The following CEP170B variants were observed in gnomAD, a reference collection of about 807,000 sequenced individuals.
CEP170B encodes the protein centrosomal protein of 170 kDa protein B.
In CEP170B, 55 loss-of-function variants were observed where a neutral mutation model predicts 120.6. The ratio of observed to expected loss-of-function variants is 0.46; its 90% CI spans 0.37 to 0.57. CEP170B has a LOEUF of 0.57. Among genes scored for constraint, CEP170B ranks in the 20% least tolerant of loss-of-function variants. CEP170B has a pLI of 0.00. For synonymous variants in CEP170B, 1,033 were observed against 954.5 expected, an observed-to-expected ratio of 1.08 and a Z score of -1.52; for missense variants, 2,212 against 2,253.3, an observed-to-expected ratio of 0.98 and a Z score of 0.37.
intron 10 of CEP170B, 114 bp from the exon 11 acceptor site, chr14:104,885,926 G>T: frequency 1.1e-6 from 1 of 923,458 alleles, no homozygotes; most frequent in Non-Finnish European, 1.6e-6. Context: ...CCTGGGTGGC[G>T]CGCATGCGTG....
chr14:104,882,671 G>A (rs1896218472), intron 6 of CEP170B, 57 bp from the exon 7 acceptor site: 6 of 1,435,974 alleles, frequency 4.2e-6, no homozygotes, highest in Non-Finnish European at 5.7e-6. Flanking sequence ...CCAGTTCTCT[G>A]CTTTTCACAC....
chr14:104,883,438 C>T lies in CEP170B; in HGVS notation c.981C>T (p.His327=). Residue 327 remains histidine, a synonymous_variant, in exon 8 of 19, where the codon CAC becomes CAT. Coordinates refer to ENST00000414716, the MANE Select transcript of CEP170B (RefSeq NM_001112726.3). ...TGCAGAATGACCCGAGCCTGCTGCA[C>T]CGGGTTGGCCCTGGGGATGACCGCC... ...WLVQNDPSLL[H]RVGPGDDRHS... is the part of the protein sequence containing the mutation. The T allele has an allele frequency of 6.4e-7, 1 of 1,564,832 alleles. No individual in the cohort carries two copies. The highest frequency in any genetic ancestry group is 8.7e-7 in the Non-Finnish European group (1 of 1,155,842).
rs1895620978 is a variant in CEP170B, at chr14:104,872,482, T to TGTGTACGTGTGG, written c.106-3770_106-3769insACGTGTGGGTGT. 1.9e-5 allele frequency among the ~76,000 whole-genome samples: 2 copies of TGTGTACGTGTGG among 106,018 alleles called. 1 individual carries two copies. The highest frequency in any genetic ancestry group is 4.7e-5 in the Non-Finnish European group (2 of 42,930). 69.6% of individuals were successfully genotyped at this position (106,018 alleles called of 152,430 possible). ...CGTGTGGGTGTGCCGTGTGTGTGCG[T>TGTGTACGTGTGG]GTGTGCCGTGTGTGTGTGCGTGTGT... On this transcript the variant is annotated intron_variant, in intron 2 of 18. Transcript: ENST00000414716.
At chr14:104,874,957 C>A (rs544245303) in intron 2 of CEP170B, among the ~76,000 whole-genome samples, 1 of 152,346 alleles carries the variant, frequency 6.6e-6, no homozygotes, top group East Asian at 1.9e-4. Flanking sequence ...CCCTTGCCCC[C>A]AACTAGCCCC....
At chr14:104,880,475 C>A in intron 6 of CEP170B, 50 bp downstream of exon 6, 3 of 1,588,836 alleles carry the variant, frequency 1.9e-6, no homozygotes, top group Non-Finnish European at 2.6e-6. Context: ...CACTGCCAGG[C>A]CCTCTGCCCC....
At chr14:104,882,130 G>A (rs1477174249) in intron 6 of CEP170B, among the ~76,000 whole-genome samples, 3 of 152,056 alleles carry the variant, frequency 2.0e-5, no homozygotes, top group South Asian at 2.1e-4. Flanking sequence ...CTGGGCTGCC[G>A]GCTTCTCAGA....
chr14:104,889,905 A>AATGGATGGATGGATGG (rs1160408059), intron 13 of CEP170B, 147 bp downstream of exon 13: 17 of 137,164 alleles, frequency 1.2e-4, no homozygotes, highest in Admixed American at 2.8e-4. Context: ...TGGATGGACA[A>AATGGATGGATGGATGG]ATGGATGGAT....
rs1382831912 is a variant in CEP170B at position 104,886,350 on chromosome 14, T to G, written c.2111T>G (p.Leu704Arg). The G allele has an allele frequency of 3.8e-6, 6 of 1,571,670 alleles. No homozygotes were observed. Among genetic ancestry groups the G allele is most frequent in the Non-Finnish European group, 5.2e-6 (6 of 1,161,420 alleles). The change falls in exon 12 of 19, where the codon CTG becomes CGG. Residue 704 changes from leucine to arginine, a missense_variant. Physicochemically the swap from Leu to Arg is moderately radical, Grantham distance 102. Coordinates refer to ENST00000414716, the MANE Select transcript of CEP170B (RefSeq NM_001112726.3). ...PVRMRRRLPQ[L>R]PSERADSPAG... Reference sequence around the variant, plus strand: ...CGCATGCGGCGACGGCTCCCTCAGCTGCCCAGTGAGAGGGCTGACAGCCCT... The same window carrying G: ...CGCATGCGGCGACGGCTCCCTCAGCGGCCCAGTGAGAGGGCTGACAGCCCT...
rs1035895345 is a variant in CEP170B, at chr14:104,895,849, G to C, written c.*891G>C. Reference sequence around the variant, plus strand: ...CACGACCAAAGTCACTGGAAGCCGGGTTTCCGGAAGCTCGCAGCTTGGCCT... The same window carrying C: ...CACGACCAAAGTCACTGGAAGCCGGCTTTCCGGAAGCTCGCAGCTTGGCCT... On this transcript the variant is annotated 3_prime_UTR_variant, in exon 19 of 19. Coordinates refer to ENST00000414716, the MANE Select transcript of CEP170B (RefSeq NM_001112726.3). The C allele has an allele frequency of 1.3e-5, 2 of 152,638 alleles. No individual in the cohort carries two copies. The highest frequency in any genetic ancestry group is 2.9e-5 in the Non-Finnish European group (2 of 68,248). 9.5% of individuals were successfully genotyped at this position (152,638 alleles called of 1,614,324 possible).
At position 104,868,374 on chromosome 14, in the gene CEP170B, G is replaced by A. The variant is rs528315851; in HGVS notation, c.-27-50G>A. 6 of 1,328,192 alleles carry A rather than the reference G, an allele frequency of 4.5e-6. No individual in the cohort carries two copies. The highest frequency in any genetic ancestry group is 2.0e-5 in the Admixed American group (1 of 49,594). 82.3% of individuals were successfully genotyped at this position (1,328,192 alleles called of 1,614,324 possible). A position where few individuals can be genotyped will look rare whatever the true frequency, so the allele number is the denominator to read the frequency against. ...GCTGGGCCTTGGATGTGTCCAGGGGGCTAAGAACCAGGCCAGGGAGCCCCA... is the reference window on the plus strand; with the variant it reads ...GCTGGGCCTTGGATGTGTCCAGGGGACTAAGAACCAGGCCAGGGAGCCCCA... On this transcript the variant is annotated intron_variant, in intron 1 of 18. Transcript: ENST00000414716. The surrounding 1 kb of genome is among the most constrained non-coding windows in gnomAD (Gnocchi z 5.9).
intron 3 of CEP170B, among the ~76,000 whole-genome samples, chr14:104,876,774 G>A (rs1895875445): frequency 6.6e-6 from 1 of 152,270 alleles, no homozygotes; most frequent in African/African-American, 2.4e-5. Context: ...TGGGGCCCCT[G>A]AAATGGAAGG....
intron 2 of CEP170B, among the ~76,000 whole-genome samples, chr14:104,872,292 G>T (rs1895556980): frequency 3.0e-5 from 4 of 132,044 alleles, no homozygotes; most frequent in Non-Finnish European, 6.4e-5. Flanking sequence ...TGTGCCGCGT[G>T]TGTGTGCCAT....
chr14:104,868,887 G>A lies in CEP170B; in HGVS notation c.105+332G>A, dbSNP rs1216998805. The stretch of plus-strand genomic sequence containing the variant: ...GTTGGCGTCCTTTTGCAGAGAGGGA[G>A]CTGAGGCTGGGCTTTGGAAGGTCCT... On this transcript the variant is annotated intron_variant, in intron 2 of 18. Transcript: ENST00000414716. The surrounding 1 kb of genome is among the most constrained non-coding windows in gnomAD (Gnocchi z 5.9). 6.6e-6 allele frequency among the ~76,000 whole-genome samples: 1 copy of A among 152,162 alleles called. No homozygotes were observed. Among genetic ancestry groups the A allele is most frequent in the Non-Finnish European group, 1.5e-5 (1 of 68,022 alleles).
At chr14:104,871,970 A>C (rs1011310236) in intron 2 of CEP170B, among the ~76,000 whole-genome samples, 1 of 152,240 alleles carries the variant, frequency 6.6e-6, no homozygotes, top group African/African-American at 2.4e-5. Flanking sequence ...TGCTCCCCAC[A>C]GTGTCCTTGT....
In CEP170B at chr14:104,887,279, C is replaced by T. The variant is rs1268155731; in HGVS notation, c.3040C>T (p.Pro1014Ser). 1.2e-6 allele frequency: 2 copies of T among 1,608,964 alleles called. No individual in the cohort carries two copies. The highest frequency in any genetic ancestry group is 1.7e-6 in the Non-Finnish European group (2 of 1,179,086). ...REQSSERQHH[P>S]LGPTDMGRGE... is the part of the protein sequence containing the mutation. ...GCAGTCCTCAGAGAGGCAGCATCAC[C>T]CACTTGGCCCGACGGACATGGGCCG... The change falls in exon 12 of 19, where the codon CCA becomes TCA. Residue 1014 changes from proline to serine, a missense_variant. By Grantham distance (74) the Pro-to-Ser change is moderately conservative. This residue lies in a region of CEP170B where 2,166 missense variants were observed against 2,166.7 expected (regional missense o/e 1.00). Transcript: ENST00000414716.
chr14:104,887,018 C>T lies in CEP170B; in HGVS notation c.2779C>T (p.Arg927Ter), dbSNP rs924324366. The T allele has an allele frequency of 1.2e-6, 2 of 1,610,588 alleles. No homozygotes were observed. The highest frequency in any genetic ancestry group is 1.1e-5 in the South Asian group (1 of 91,092). ...TETALAALEA[R>*]LLSNSVDAEC... Reference sequence around the variant, plus strand: ...GACGGCCCTGGCGGCCCTGGAGGCCCGACTCCTCTCTAATTCTGTGGATGC... The same window carrying T: ...GACGGCCCTGGCGGCCCTGGAGGCCTGACTCCTCTCTAATTCTGTGGATGC... The change falls in exon 12 of 19, where the codon CGA becomes TGA. Residue 927 changes from arginine to a stop codon, truncating the protein, a stop_gained. Transcript: ENST00000414716. LOFTEE classifies it high-confidence loss of function.
rs1896601320 is a variant in CEP170B, at chr14:104,887,730, T to C, written c.3491T>C (p.Leu1164Pro). The C allele has an allele frequency of 6.3e-7, 1 of 1,585,074 alleles. No individual in the cohort carries two copies. Among genetic ancestry groups the C allele is most frequent in the Non-Finnish European group, 8.6e-7 (1 of 1,167,190 alleles). The change falls in exon 12 of 19, where the codon CTG (leucine) becomes CCG (proline). Residue 1164 changes from leucine to proline, a missense_variant. Physicochemically the swap from Leu to Pro is moderately conservative, Grantham distance 98 (BLOSUM62 -3). Around this residue, in one of 2 missense-constraint regions of CEP170B, gnomAD observed 2,166 missense variants for 2,166.7 expected, o/e 1.00. Coordinates refer to ENST00000414716, the MANE Select transcript of CEP170B (RefSeq NM_001112726.3). ...GRPAAEQAKK[L>P]SRLDILAMPR... ...CCAGCTGCTGAGCAGGCCAAGAAGC[T>C]GTCACGCCTGGACATCCTGGCCATG...
rs1274575819 is a variant in CEP170B at position 104,868,061 on chromosome 14, T to G, written c.-27-363T>G. ...GGTCCTACCCATGAGCTGCTCCTGA[T>G]GGGTCACGTGGATGTGGGGTCACTT... On this transcript the variant is annotated intron_variant, in intron 1 of 18. Coordinates refer to ENST00000414716, the MANE Select transcript of CEP170B (RefSeq NM_001112726.3). The surrounding 1 kb of genome is among the most constrained non-coding windows in gnomAD (Gnocchi z 5.9). 6.6e-6 allele frequency among the ~76,000 whole-genome samples: 1 copy of G among 152,084 alleles called. No homozygotes were observed. The highest frequency in any genetic ancestry group is 1.5e-5 in the Non-Finnish European group (1 of 67,992).
At chr14:104,872,589 TG>T (rs1320121935) in intron 2 of CEP170B, among the ~76,000 whole-genome samples, 3 of 152,096 alleles carry the variant, frequency 2.0e-5, no homozygotes, top group Non-Finnish European at 1.5e-5. Context: ...TGCATGTCTG[TG>T]GGGAGGTGTC....
Sources: gnomAD v4.1 joint callset for allele counts (sites outside exome capture counted in the v4.1 genomes callset) on GRCh38, gnomAD v4.1.1 for gene constraint, gnomAD v4.1.1 regional missense constraint, Gnocchi (gnomAD v3.1) non-coding constraint, MANE v1.5 for transcripts, NCBI Gene and HGNC (gene_info 2026-07-23, HGNC 2026-07-21) for gene names.